CYP2C19: variants seen among roughly 807,000 people sequenced by gnomAD.
CYP2C19 encodes cytochrome P450 family 2 subfamily C member 19, also known as cytochrome P450 2C19.
A neutral mutation model predicts 40.9 loss-of-function variants in CYP2C19; 59 were observed. The observed-to-expected ratio is 1.44, with a 90% CI of 1.17 to 1.79. The LOEUF (loss-of-function observed/expected upper bound fraction) is 1.79, where lower values mean the gene tolerates loss of function less well. Ranked by LOEUF, CYP2C19 falls within the 40% of genes most tolerant of loss-of-function variation. The pLI is 0.00. For synonymous variants in CYP2C19, 253 were observed against 208.7 expected (o/e 1.21, Z -1.83); for missense variants, 754 against 596.9 (o/e 1.26, Z -2.74).
At chr10:94,812,829 TTTG>T (rs1848946301) in intron 5 of CYP2C19, among the ~76,000 whole-genome samples, 1 of 152,052 alleles carries the variant, frequency 6.6e-6, no homozygotes, top group Admixed American at 6.5e-5. Flanking sequence ...CTCAGTGGAG[TTTG>T]TTATTACACA....
chr10:94,802,461 T>G (rs2134254036), intron 5 of CYP2C19, among the ~76,000 whole-genome samples: 1 of 152,218 alleles, frequency 6.6e-6, no homozygotes, highest in Non-Finnish European at 1.5e-5. Context: ...TCCCTTTATT[T>G]TGAGCCTATG....
At chr10:94,799,068 TGTTA>T (rs1205069680) in intron 5 of CYP2C19, among the ~76,000 whole-genome samples, 2 of 152,026 alleles carry the variant, frequency 1.3e-5, no homozygotes, top group African/African-American at 4.8e-5. Flanking sequence ...TTATTTTGCC[TGTTA>T]GTTGATGCAG....
chr10:94,818,718 T>G (rs1204166202), intron 5 of CYP2C19, among the ~76,000 whole-genome samples: 5 of 149,344 alleles, frequency 3.3e-5, no homozygotes, highest in Non-Finnish European at 7.4e-5. Context: ...TAAGAATGCT[T>G]GTGATTTTTG....
At chr10:94,828,596 A>T (rs1270914872) in intron 6 of CYP2C19, among the ~76,000 whole-genome samples, 1 of 148,874 alleles carries the variant, frequency 6.7e-6, no homozygotes, top group Non-Finnish European at 1.5e-5. Flanking sequence ...CAGCACACTG[A>T]TGGGTCTTGA....
At chr10:94,842,714 C>A in intron 6 of CYP2C19, 123 bp from the exon 7 acceptor site, 2 of 1,083,984 alleles carry the variant, frequency 1.8e-6, no homozygotes, top group Non-Finnish European at 2.8e-6. Context: ...ATACTTCCAG[C>A]ACTATAATTT....
In CYP2C19 at chr10:94,775,154, G is replaced by A; in HGVS notation, c.265G>A (p.Asp89Asn). The change falls in exon 2 of 9, where the codon GAT becomes AAT. Residue 89 changes from aspartate to asparagine, a missense_variant. Coordinates refer to ENST00000371321, the MANE Select transcript of CYP2C19 (RefSeq NM_000769.4). ...TGAAGTGGTGAAGGAAGCCCTGATT[G>A]ATCTTGGAGAGGAGTTTTCTGGAAG... Reference protein sequence around the residue: ...GYEVVKEALIDLGEEFSGRGH... With the variant: ...GYEVVKEALINLGEEFSGRGH... 6.2e-7 allele frequency: 1 copy of A among 1,614,132 alleles called. No homozygotes were observed. The highest frequency in any genetic ancestry group is 8.5e-7 in the Non-Finnish European group (1 of 1,180,028).
intron 5 of CYP2C19, among the ~76,000 whole-genome samples, chr10:94,790,025 A>T (rs1480837584): frequency 6.6e-6 from 1 of 152,130 alleles, no homozygotes; most frequent in Non-Finnish European, 1.5e-5. Flanking sequence ...TTCGTTGAGC[A>T]GTGGTTTGTA....
chr10:94,840,784 C>G (rs966878154), intron 6 of CYP2C19, among the ~76,000 whole-genome samples: 2 of 152,192 alleles, frequency 1.3e-5, no homozygotes, highest in African/African-American at 4.8e-5. Flanking sequence ...TGGAAGCTGG[C>G]TCCAGGCAGA....
chr10:94,839,946 C>T (rs1048426615), intron 6 of CYP2C19, among the ~76,000 whole-genome samples: 2 of 152,198 alleles, frequency 1.3e-5, no homozygotes, highest in African/African-American at 2.4e-5. Flanking sequence ...TAGCCCCATA[C>T]GTTAAGATTT....
intron 5 of CYP2C19, among the ~76,000 whole-genome samples, chr10:94,811,044 A>T (rs1012682308): frequency 1.3e-5 from 2 of 152,166 alleles, no homozygotes; most frequent in Non-Finnish European, 2.9e-5. Context: ...CCCTCTAAAC[A>T]CTGCTTTAGC....
chr10:94,828,836 G>A (rs975533816), intron 6 of CYP2C19, among the ~76,000 whole-genome samples: 1 of 152,110 alleles, frequency 6.6e-6, no homozygotes, highest in African/African-American at 2.4e-5. Context: ...GCTTCCTTCA[G>A]GAGTTCTTGT....
intron 5 of CYP2C19, among the ~76,000 whole-genome samples, chr10:94,816,616 T>G (rs1849007069): frequency 1.3e-5 from 2 of 151,984 alleles, no homozygotes; most frequent in African/African-American, 4.8e-5. Context: ...TTAGGGTACA[T>G]GTGCACATTG....
chr10:94,845,280 G>A (rs1849555876), intron 7 of CYP2C19, among the ~76,000 whole-genome samples: 1 of 152,142 alleles, frequency 6.6e-6, no homozygotes. Context: ...TAGCATGAAA[G>A]CAGTCATAGA....
chr10:94,773,520 C>G (rs1313565525), intron 1 of CYP2C19, among the ~76,000 whole-genome samples: 1 of 151,490 alleles, frequency 6.6e-6, no homozygotes, highest in East Asian at 1.9e-4. Flanking sequence ...GGAGTGAAGC[C>G]ACAGACCTTC....
chr10:94,822,693 T>C (rs1300781736), intron 6 of CYP2C19, among the ~76,000 whole-genome samples: 1 of 152,220 alleles, frequency 6.6e-6, no homozygotes, highest in African/African-American at 2.4e-5. Flanking sequence ...CCACCAGCAG[T>C]GTAAAAGCAT....
chr10:94,799,329 C>A (rs773159716), intron 5 of CYP2C19, among the ~76,000 whole-genome samples: 1 of 151,638 alleles, frequency 6.6e-6, no homozygotes, highest in Admixed American at 6.5e-5. Flanking sequence ...CAAATATTGG[C>A]CCTCACTCTC....
chr10:94,851,134 TCA>T (rs1005870563), intron 8 of CYP2C19, among the ~76,000 whole-genome samples: 2 of 152,042 alleles, frequency 1.3e-5, no homozygotes, highest in Admixed American at 6.6e-5. Context: ...GTTATTTGAC[TCA>T]CAGTTCCACA....
chr10:94,835,935 G>A (rs1010416356), intron 6 of CYP2C19, among the ~76,000 whole-genome samples: 3 of 152,040 alleles, frequency 2.0e-5, no homozygotes, highest in Non-Finnish European at 2.9e-5. Flanking sequence ...TTTCTACAAC[G>A]GAACTTCCAT....
chr10:94,827,065 A>G (rs1229270508), intron 6 of CYP2C19, among the ~76,000 whole-genome samples: 1 of 151,992 alleles, frequency 6.6e-6, no homozygotes, highest in Non-Finnish European at 1.5e-5. Context: ...TCGGTTTGCC[A>G]GTATTTTATT....
Sources: allele counts gnomAD v4.1 joint callset (sites outside exome capture counted in the v4.1 genomes callset), GRCh38; gene constraint gnomAD v4.1.1; transcripts MANE v1.5; gene names NCBI Gene and HGNC (gene_info 2026-07-23, HGNC 2026-07-21).